The following SALL2 variants were observed in gnomAD, a reference collection of about 807,000 sequenced individuals.
SALL2 encodes sal-like protein 2.
SALL2 carries 32 observed loss-of-function variants against 58.5 expected under a neutral mutation model. That is an observed-to-expected ratio of 0.55 (90% CI 0.41 to 0.74). SALL2 has a LOEUF of 0.74. Among genes scored for constraint, SALL2 ranks in the 30% least tolerant of loss-of-function variants. The pLI is 0.00. For synonymous variants in SALL2, 516 were observed against 513.6 expected (o/e 1.00, Z -0.06); for missense variants, 1,201 against 1,268.9 (o/e 0.95, Z 0.81).
rs761442711 is a variant in SALL2 at position 21,524,721 on chromosome 14, G to A, written c.1001C>T (p.Ala334Val). ...GLLAAQCLGA[A>V]RGLEATASPG... The stretch of plus-strand genomic sequence containing the variant: ...GGAGGCAGTGGCCTCAAGGCCTCGG[G>A]CTGCCCCAAGACACTGTGCTGCCAG... The change falls in exon 2 of 2, where the codon GCC becomes GTC. Residue 334 changes from alanine (A) to valine (V), a missense_variant. Ala to Val is a moderately conservative substitution (Grantham distance 64). Coordinates refer to ENST00000537235, the MANE Select transcript of SALL2 (RefSeq NM_001364564.1). 6.2e-6 allele frequency: 10 copies of A among 1,612,920 alleles called. No homozygotes were observed. In the Admixed American group the frequency reaches 6.7e-5, roughly 11 times the overall value.
upstream of SALL2, among the ~76,000 whole-genome samples, chr14:21,527,251 TCA>T (rs1489772919): frequency 6.6e-6 from 1 of 152,162 alleles, no homozygotes; most frequent in Non-Finnish European, 1.5e-5. Context: ...CAGGCAGCCC[TCA>T]GTGTCTAAAG....
rs1414544166 is a variant in SALL2, at chr14:21,521,504, A to G, written c.*1200T>C. 6.5e-6 allele frequency: 1 copy of G among 153,256 alleles called. No individual in the cohort carries two copies. Among genetic ancestry groups the G allele is most frequent in the Non-Finnish European group, 1.5e-5 (1 of 68,770 alleles). The allele number at this position is 153,256 out of a possible 1,614,324, so 9.5% of individuals were successfully genotyped here. A position where few individuals can be genotyped will look rare whatever the true frequency, so the allele number is the denominator to read the frequency against. ...GCATACTAGTGCTAGGAAATCCCCC[A>G]TGATCCCTGGTACACCTCTGCACAC... On this transcript the variant is annotated 3_prime_UTR_variant, in exon 2 of 2. Coordinates refer to ENST00000537235, the MANE Select transcript of SALL2 (RefSeq NM_001364564.1).
Position 21,525,973 on chromosome 14 carries a change from A to G in SALL2, c.67+88T>C. The G allele has an allele frequency of 8.1e-7, 1 of 1,238,668 alleles. No homozygotes were observed. Among genetic ancestry groups the G allele is most frequent in the South Asian group, 1.3e-5 (1 of 77,768 alleles). 76.7% of individuals were successfully genotyped at this position (1,238,668 alleles called of 1,614,324 possible). ...CAGGGGCCTACGCAGAGAATCATGC[A>G]TTTTCTCCCACCCACCGAAAGTCTT... On this transcript the variant is annotated intron_variant, in intron 1 of 1. Transcript: ENST00000537235. The surrounding 1 kb of genome is among the most constrained non-coding windows in gnomAD (Gnocchi z 4.4).
rs368849512 is a variant in SALL2, at chr14:21,525,659, G to T, written c.68-5C>A. ...GATCCTCCTCGCTAGCATCACCTGG[G>T]GAGAAGACAAGGAGAGAGAGCGTGG... On this transcript the variant is annotated splice_region_variant and splice_polypyrimidine_tract_variant and intron_variant, in intron 1 of 1. Transcript: ENST00000537235. This position sits in a 1 kb window ranked among gnomAD's most constrained non-coding sequence, Gnocchi z 4.4. 1 of 1,561,762 alleles carries T rather than the reference G, an allele frequency of 6.4e-7. No homozygotes were observed. The highest frequency in any genetic ancestry group is 8.7e-7 in the Non-Finnish European group (1 of 1,151,448).
upstream of SALL2, among the ~76,000 whole-genome samples, chr14:21,527,552 A>G (rs1440896133): frequency 6.6e-6 from 1 of 152,222 alleles, no homozygotes; most frequent in African/African-American, 2.4e-5. Context: ...CCTCACTGAT[A>G]AAACTGAGAC....
rs72521769 is a variant in SALL2 at position 21,521,570 on chromosome 14, CAG to C, written c.*1132_*1133del. On this transcript the variant is annotated 3_prime_UTR_variant, in exon 2 of 2. Transcript: ENST00000537235. The stretch of plus-strand genomic sequence containing the variant: ...CCAAAAGAATATTAACGAGAATGTC[CAG>C]ACATTCACAAGAATTTGAGGCCTTT... 92,144 of 169,174 alleles carry C rather than the reference CAG, an allele frequency of 0.54. 25,591 individuals carry two copies. The highest frequency in any genetic ancestry group is 0.62 in the East Asian group (3,911 of 6,342). 10.5% of individuals were successfully genotyped at this position (169,174 alleles called of 1,614,324 possible).
chr14:21,521,680 T>C lies in SALL2; in HGVS notation c.*1024A>G, dbSNP rs1486570741. ...GCAACATTCCTTAACTCTCTCATCATTAGTTCATCAACCATGCTGACCAAA... is the reference window on the plus strand; with the variant it reads ...GCAACATTCCTTAACTCTCTCATCACTAGTTCATCAACCATGCTGACCAAA... On this transcript the variant is annotated 3_prime_UTR_variant, in exon 2 of 2. Transcript: ENST00000537235. The C allele has an allele frequency of 3.8e-6, 1 of 262,284 alleles. No homozygotes were observed. Among genetic ancestry groups the C allele is most frequent in the Non-Finnish European group, 7.4e-6 (1 of 135,564 alleles). 16.2% of individuals were successfully genotyped at this position (262,284 alleles called of 1,614,324 possible).
rs1892114690 is a variant in SALL2, at chr14:21,523,134, T to C, written c.2588A>G (p.Glu863Gly). Residue 863 changes from glutamate to glycine, a missense_variant, in exon 2 of 2, where the codon GAG (glutamate) becomes GGG (glycine). Physicochemically the swap from Glu to Gly is moderately conservative, Grantham distance 98 (BLOSUM62 -2). Coordinates refer to ENST00000537235, the MANE Select transcript of SALL2 (RefSeq NM_001364564.1). The surrounding 1 kb of genome is among the most constrained non-coding windows in gnomAD (Gnocchi z 4.4). The stretch of plus-strand genomic sequence containing the variant: ...TGAGCTTCTCTCCGGTTTGCCCCCC[T>C]CTTCCTTGCCTCCTAAAACACCACT... ...GSSGVLGGKE[E>G]GGKPERSSSP... 6.2e-7 allele frequency: 1 copy of C among 1,614,160 alleles called. No homozygotes were observed. Among genetic ancestry groups the C allele is most frequent in the Non-Finnish European group, 8.5e-7 (1 of 1,179,990 alleles).
chr14:21,535,344 CAAAAAAA>C (rs747111940), intron 1 of SALL2, among the ~76,000 whole-genome samples: 1 of 94,966 alleles, frequency 1.1e-5, no homozygotes, highest in Non-Finnish European at 2.2e-5. Context: ...GACTCTCTCT[CAAAAAAA>C]AAAAAAGAAA....
chr14:21,523,653 G>C lies in SALL2; in HGVS notation c.2069C>G (p.Ser690Cys). The C allele has an allele frequency of 6.2e-7, 1 of 1,614,222 alleles. No individual in the cohort carries two copies. Among genetic ancestry groups the C allele is most frequent in the Non-Finnish European group, 8.5e-7 (1 of 1,180,042 alleles). ...GAACTTCTTCTGGCAGATGGGGCAG[G>C]AATTCTGTGCCCGGGCAGCTGGACT... Reference protein sequence around the residue: ...KASPAARAQNSCPICQKKFTN... With the variant: ...KASPAARAQNCCPICQKKFTN... Residue 690 changes from serine (S) to cysteine (C), a missense_variant, in exon 2 of 2, where the codon TCC (serine) becomes TGC (cysteine). Ser to Cys is a moderately radical substitution (Grantham distance 112). This residue lies in a region of SALL2 where 675 missense variants were observed against 683.8 expected (regional missense o/e 0.99). Transcript: ENST00000537235. The surrounding 1 kb of genome is among the most constrained non-coding windows in gnomAD (Gnocchi z 4.4).
chr14:21,533,659 T>C (rs187580254), intron 1 of SALL2, among the ~76,000 whole-genome samples: 93 of 152,214 alleles, frequency 6.1e-4, no homozygotes, highest in African/African-American at 2.0e-3. Context: ...CCATCACTTA[T>C]ATGCAATAAC....
Position 21,525,023 on chromosome 14 carries a change from G to C in SALL2, c.699C>G (p.Thr233=), listed in dbSNP as rs1892228908. ...GGCTGAAGAGGGGTAGTAGGGGCTT[G>C]GTGGAAGAGGCAGTCCCTGTCCCAG... ...ELPGTGTASS[T]KPLLPLFSPI... The change falls in exon 2 of 2, where the codon ACC becomes ACG. Residue 233 remains threonine, a synonymous_variant. Transcript: ENST00000537235. The surrounding 1 kb of genome is among the most constrained non-coding windows in gnomAD (Gnocchi z 4.4). The C allele has an allele frequency of 6.2e-7, 1 of 1,613,884 alleles. No individual in the cohort carries two copies. The highest frequency in any genetic ancestry group is 8.5e-7 in the Non-Finnish European group (1 of 1,179,880).
upstream of SALL2, among the ~76,000 whole-genome samples, chr14:21,530,704 G>A (rs977965813): frequency 7.2e-5 from 11 of 152,260 alleles, no homozygotes; most frequent in Admixed American, 2.0e-4. Context: ...CTACCTCCCA[G>A]GCTTAGGTGA....
chr14:21,533,161 ATAGCTTCAAGGTCCACACT>A (rs1033933045), intron 1 of SALL2, among the ~76,000 whole-genome samples: 2 of 152,150 alleles, frequency 1.3e-5, no homozygotes, highest in African/African-American at 4.8e-5. Flanking sequence ...CCAAGGTCAC[ATAGCTTCAAGGTCCACACT>A]AGATTGAAAA....
chr14:21,526,408 T>G, upstream of SALL2: 4 of 1,286,510 alleles, frequency 3.1e-6, no homozygotes, highest in Admixed American at 4.2e-5. Context: ...AGGCGGGAGC[T>G]AGAGGAGGCG....
At chr14:21,536,374 C>A (rs144900055) in intron 1 of SALL2, among the ~76,000 whole-genome samples, 1 of 152,198 alleles carries the variant, frequency 6.6e-6, no homozygotes, top group Non-Finnish European at 1.5e-5. Context: ...CTGATCGGCT[C>A]TCAGTTCAGC....
In SALL2 at chr14:21,523,670, A is replaced by G. The variant is rs61743030; in HGVS notation, c.2052T>C (p.Ala684=). 2,214 of 1,614,210 alleles carry G rather than the reference A, an allele frequency of 1.4e-3. 27 individuals are homozygous for G. The African/African-American group carries it at 0.025, about 18-fold the overall frequency. Residue 684 remains alanine (A), a synonymous_variant, in exon 2 of 2, where the codon GCT becomes GCC. Transcript: ENST00000537235. The surrounding 1 kb of genome is among the most constrained non-coding windows in gnomAD (Gnocchi z 4.4). The part of the protein sequence containing the change: ...AHFVGHKASP[A]ARAQNSCPIC... The stretch of plus-strand genomic sequence containing the variant: ...TGGGGCAGGAATTCTGTGCCCGGGC[A>G]GCTGGACTGGCCTTGTGGCCCACGA...
chr14:21,534,326 G>T (rs943272387), intron 1 of SALL2, among the ~76,000 whole-genome samples: 5 of 152,050 alleles, frequency 3.3e-5, no homozygotes, highest in African/African-American at 1.2e-4. Context: ...GCTTTCTTAC[G>T]GTAGATCTTA....
chr14:21,530,349 A>G (rs4982458), upstream of SALL2, among the ~76,000 whole-genome samples: 45,519 of 130,496 alleles, frequency 0.35, 8,144 homozygotes, highest in Middle Eastern at 0.58. Context: ...GTGCAATGGC[A>G]TGATCTCGGC....
Sources: gnomAD v4.1 joint callset for allele counts (sites outside exome capture counted in the v4.1 genomes callset) on GRCh38, gnomAD v4.1.1 for gene constraint, gnomAD v4.1.1 regional missense constraint, Gnocchi (gnomAD v3.1) non-coding constraint, MANE v1.5 for transcripts, NCBI Gene and HGNC (gene_info 2026-07-23, HGNC 2026-07-21) for gene names.